The following DIAPH1 variants were observed in gnomAD, a reference collection of about 807,000 sequenced individuals.
DIAPH1 encodes the protein protein diaphanous homolog 1.
DIAPH1 carries 46 observed loss-of-function variants against 140.7 expected under a neutral mutation model. The ratio of observed to expected loss-of-function variants is 0.33; its 90% CI spans 0.26 to 0.42. The LOEUF (loss-of-function observed/expected upper bound fraction) is 0.42, where lower values mean the gene tolerates loss of function less well. Ranked by LOEUF, DIAPH1 falls within the 10% of genes least tolerant of loss-of-function variation. The pLI is 1.00. For missense variants in DIAPH1, 1,310 were observed against 1,558.7 expected, an observed-to-expected ratio of 0.84 and a Z score of 2.69; for synonymous variants, 565 against 551.6, an observed-to-expected ratio of 1.02 and a Z score of -0.34.
At chr5:141,584,406 ATAGTT>A (rs2099897221) in intron 3 of DIAPH1, among the ~76,000 whole-genome samples, 181 bp from the exon 4 acceptor site, 1 of 152,220 alleles carries the variant, frequency 6.6e-6, no homozygotes, top group South Asian at 2.1e-4. Context: ...AAAGATAAGT[ATAGTT>A]AACATTTTAG....
At chr5:141,612,626 A>G (rs1454921191) in intron 1 of DIAPH1, among the ~76,000 whole-genome samples, 1 of 152,234 alleles carries the variant, frequency 6.6e-6, no homozygotes, top group African/African-American at 2.4e-5. Flanking sequence ...GGTAATCTGG[A>G]GATGGGAGGA....
At chr5:141,616,932 G>A (rs2099902778) in intron 1 of DIAPH1, among the ~76,000 whole-genome samples, 1 of 152,194 alleles carries the variant, frequency 6.6e-6, no homozygotes, top group Admixed American at 6.5e-5. Context: ...AAGGGGTTGA[G>A]CTTCCTCAGG....
chr5:141,575,204 G>A (rs1239800380), intron 14 of DIAPH1, 58 bp from the exon 15 acceptor site: 11 of 1,562,674 alleles, frequency 7.0e-6, no homozygotes, highest in Non-Finnish European at 9.7e-6. Context: ...AGAAGCACAA[G>A]TATTATTACC....
intron 1 of DIAPH1, chr5:141,618,597 C>T: frequency 4.2e-6 from 2 of 481,566 alleles, no homozygotes; most frequent in Non-Finnish European, 7.7e-6. Context: ...GTGGCCGGGG[C>T]AAGAGCCGGG....
intron 1 of DIAPH1, among the ~76,000 whole-genome samples, chr5:141,594,820 TC>T (rs2099899050): frequency 6.6e-6 from 1 of 150,814 alleles, no homozygotes; most frequent in Non-Finnish European, 1.5e-5. Context: ...GCAGGTGGAT[TC>T]CCTGAGGTCA....
intron 1 of DIAPH1, among the ~76,000 whole-genome samples, chr5:141,616,537 C>T (rs2099902708): frequency 6.6e-6 from 1 of 152,202 alleles, no homozygotes; most frequent in African/African-American, 2.4e-5. Flanking sequence ...CCCACTCCAC[C>T]CACCCACGTA....
At chr5:141,560,971 ATC>A (rs2099893439) in intron 18 of DIAPH1, 30 of 454,202 alleles carry the variant, frequency 6.6e-5, no homozygotes, top group South Asian at 4.7e-4. Context: ...GAGGACCGCC[ATC>A]TCTGTTACTG....
Position 141,516,579 on chromosome 5 carries a change from A to C in DIAPH1, c.*272T>G, listed in dbSNP as rs760136851. 1.4e-5 allele frequency: 7 copies of C among 510,664 alleles called. No homozygotes were observed. The highest frequency in any genetic ancestry group is 6.4e-5 in the Admixed American group (2 of 31,172). The allele number at this position is 510,664 out of a possible 1,614,324, so 31.6% of individuals were successfully genotyped here. On this transcript the variant is annotated 3_prime_UTR_variant, in exon 28 of 28. Transcript: ENST00000389054. Reference sequence around the variant, plus strand: ...GAGTAACAGAGAGGAGACAGGGTTAAGGCAGCAAACATGGACCCTGCTTTG... The same window carrying C: ...GAGTAACAGAGAGGAGACAGGGTTACGGCAGCAAACATGGACCCTGCTTTG...
rs1443421024 is a variant in DIAPH1, at chr5:141,516,855, C to T, written c.3815G>A (p.Ser1272Asn). The T allele has an allele frequency of 6.2e-7, 1 of 1,614,036 alleles. No individual in the cohort carries two copies. Among genetic ancestry groups the T allele is most frequent in the African/African-American group, 1.3e-5 (1 of 74,950 alleles). The change falls in exon 28 of 28, where the codon AGC becomes AAC. Residue 1272 changes from serine to asparagine, a missense_variant. Physicochemically the swap from Ser to Asn is conservative, Grantham distance 46 (BLOSUM62 1). Coordinates refer to ENST00000389054, the MANE Select transcript of DIAPH1 (RefSeq NM_005219.5). ...GCCGCGGTCACAGGACCCACATTAG[C>T]TTGCACGGCCAACCAACTCCTTGGC... ...EEAKELVGRA[S>N]
chr5:141,543,649 G>T (rs960201026), intron 18 of DIAPH1, among the ~76,000 whole-genome samples: 1 of 152,072 alleles, frequency 6.6e-6, no homozygotes, highest in South Asian at 2.1e-4. Context: ...TAAGTGTCCC[G>T]AGCATGTTTA....
intron 18 of DIAPH1, chr5:141,564,322 T>C (rs1046233624): frequency 6.6e-6 from 1 of 152,056 alleles, no homozygotes; most frequent in African/African-American, 2.4e-5. Context: ...AGGACAGAGG[T>C]TGCCTCTCTC....
intron 27 of DIAPH1, among the ~76,000 whole-genome samples, chr5:141,517,831 A>G (rs1004943907): frequency 6.6e-6 from 1 of 152,132 alleles, no homozygotes; most frequent in African/African-American, 2.4e-5. Flanking sequence ...AACCAAATCA[A>G]TCCACGAGTT....
At chr5:141,574,315 G>T in intron 15 of DIAPH1, 107 bp from the exon 16 acceptor site, 1 of 1,153,524 alleles carries the variant, frequency 8.7e-7, no homozygotes, top group Non-Finnish European at 1.3e-6. Context: ...TGTTACAAAT[G>T]GAGGAACTGA....
chr5:141,562,624 C>A (rs200183946), intron 18 of DIAPH1, among the ~76,000 whole-genome samples: 32,114 of 138,482 alleles, frequency 0.23, 3,964 homozygotes, highest in South Asian at 0.3. Flanking sequence ...AAAAAACAAA[C>A]AAAAAAAAAC....
chr5:141,566,991 A>C (rs545375995), intron 18 of DIAPH1, among the ~76,000 whole-genome samples: 2 of 152,368 alleles, frequency 1.3e-5, no homozygotes, highest in African/African-American at 4.8e-5. Context: ...AGTAGAGCAA[A>C]GTGAAAAAGG....
At chr5:141,576,982 CT>C in intron 12 of DIAPH1, 111 bp from the exon 13 acceptor site, 1 of 745,060 alleles carries the variant, frequency 1.3e-6, no homozygotes, top group Non-Finnish European at 2.4e-6. Context: ...CCTGGAAAAA[CT>C]TTTGTAAAGT....
intron 1 of DIAPH1, among the ~76,000 whole-genome samples, chr5:141,616,757 CTATT>C (rs1199159962): frequency 6.6e-6 from 1 of 152,172 alleles, no homozygotes; most frequent in Non-Finnish European, 1.5e-5. Context: ...ATTACCTGAG[CTATT>C]TAGTTTTAAA....
intron 18 of DIAPH1, among the ~76,000 whole-genome samples, chr5:141,552,244 C>G (rs1297168238): frequency 6.6e-6 from 1 of 151,554 alleles, no homozygotes; most frequent in Non-Finnish European, 1.5e-5. Flanking sequence ...GGCTGGAGAA[C>G]AGTGGTGCAA....
rs1305071436 is a variant in DIAPH1, at chr5:141,584,238, GAA to G, written c.301-15_301-14del. ...GGTTCATATCCAGCTAGGAGAGGGA[GAA>G]AAAAGAGAAAAAACAAAATTGCCTC... On this transcript the variant is annotated splice_polypyrimidine_tract_variant and intron_variant, in intron 3 of 27. Coordinates refer to ENST00000389054, the MANE Select transcript of DIAPH1 (RefSeq NM_005219.5). 4 of 1,512,138 alleles carry G rather than the reference GAA, an allele frequency of 2.6e-6. No homozygotes were observed. The highest frequency in any genetic ancestry group is 3.7e-6 in the Non-Finnish European group (4 of 1,089,124). 93.7% of individuals were successfully genotyped at this position (1,512,138 alleles called of 1,614,324 possible).
Sources: allele counts gnomAD v4.1 joint callset (sites outside exome capture counted in the v4.1 genomes callset), GRCh38; gene constraint gnomAD v4.1.1; transcripts MANE v1.5; gene names NCBI Gene and HGNC (gene_info 2026-07-23, HGNC 2026-07-21).